GRID2: variants seen among roughly 807,000 people sequenced by gnomAD.
GRID2 encodes the protein glutamate receptor ionotropic, delta-2.
GRID2 carries 33 observed loss-of-function variants against 114.8 expected under a neutral mutation model. That is an observed-to-expected ratio of 0.29 (90% CI 0.22 to 0.38). The LOEUF (loss-of-function observed/expected upper bound fraction) is 0.38, where lower values mean the gene tolerates loss of function less well. Among genes scored for constraint, GRID2 ranks in the 10% least tolerant of loss-of-function variants. GRID2 has a pLI of 1.00. For synonymous variants in GRID2, 505 were observed against 449.9 expected, an observed-to-expected ratio of 1.12 and a Z score of -1.55; for missense variants, 1,184 against 1,257.7, an observed-to-expected ratio of 0.94 and a Z score of 0.89.
chr4:93,364,216 ATTTG>A (rs1762130853), intron 8 of GRID2, among the ~76,000 whole-genome samples: 1 of 152,056 alleles, frequency 6.6e-6, no homozygotes, highest in Admixed American at 6.6e-5. Context: ...TGCTATTTTT[ATTTG>A]TTTGTAGGTA....
At chr4:93,406,543 T>C (rs780596649) in intron 9 of GRID2, among the ~76,000 whole-genome samples, 15 of 152,104 alleles carry the variant, frequency 9.9e-5, no homozygotes, top group Non-Finnish European at 1.9e-4. Flanking sequence ...ATTCTACAAG[T>C]GTGGGCAAAG....
chr4:92,756,839 T>G (rs1177009141), intron 2 of GRID2, among the ~76,000 whole-genome samples: 1 of 152,126 alleles, frequency 6.6e-6, no homozygotes, highest in African/African-American at 2.4e-5. Flanking sequence ...TTAAGTTCTT[T>G]GTATATTCTG....
At chr4:93,410,316 T>G (rs1200805358) in intron 9 of GRID2, among the ~76,000 whole-genome samples, 2 of 152,180 alleles carry the variant, frequency 1.3e-5, no homozygotes, top group Non-Finnish European at 2.9e-5. Flanking sequence ...TTTTCTCGTG[T>G]AAGTGTCTCA....
At chr4:93,038,047 G>A (rs1330107028) in intron 2 of GRID2, among the ~76,000 whole-genome samples, 2 of 152,128 alleles carry the variant, frequency 1.3e-5, no homozygotes, top group African/African-American at 2.4e-5. Flanking sequence ...ATTATTTTGG[G>A]CAGTATGGCC....
chr4:92,626,385 C>T (rs1450107697), intron 2 of GRID2, among the ~76,000 whole-genome samples: 1 of 151,882 alleles, frequency 6.6e-6, no homozygotes, highest in Non-Finnish European at 1.5e-5. Context: ...GGTTTTCTCT[C>T]AGGTTGTGTA....
intron 2 of GRID2, among the ~76,000 whole-genome samples, chr4:92,740,304 G>A (rs1314186925): frequency 6.6e-6 from 1 of 152,206 alleles, no homozygotes; most frequent in Non-Finnish European, 1.5e-5. Context: ...TAATTACACA[G>A]CCATGCCTTT....
At chr4:93,805,337 A>G (rs368588663) in intron 1 of GRID2, among the ~76,000 whole-genome samples, 2 of 152,352 alleles carry the variant, frequency 1.3e-5, no homozygotes, top group East Asian at 3.9e-4. Context: ...AGAGAGGTAG[A>G]TAAAATGCAG....
At chr4:92,792,297 G>A (rs146033441) in intron 2 of GRID2, among the ~76,000 whole-genome samples, 278 of 151,908 alleles carry the variant, frequency 1.8e-3, no homozygotes, top group African/African-American at 6.1e-3. Flanking sequence ...GTGAAGTTCA[G>A]AGTTGTTAGG....
chr4:92,971,905 A>G (rs1454620019), intron 2 of GRID2, among the ~76,000 whole-genome samples: 2 of 152,126 alleles, frequency 1.3e-5, no homozygotes, highest in African/African-American at 2.4e-5. Flanking sequence ...TCTATTGTGT[A>G]TATGTACCAC....
At chr4:92,453,887 G>A (rs145198959) in intron 1 of GRID2, among the ~76,000 whole-genome samples, 133 of 152,178 alleles carry the variant, frequency 8.7e-4, no homozygotes, top group African/African-American at 3.1e-3. Context: ...ACCACTGACT[G>A]TTTCTTTCTT....
intron 8 of GRID2, among the ~76,000 whole-genome samples, chr4:93,346,132 G>A (rs1760213016): frequency 6.6e-6 from 1 of 151,922 alleles, no homozygotes; most frequent in Admixed American, 6.6e-5. Flanking sequence ...GGTATTTTAG[G>A]TCTCCATGCA....
chr4:93,360,605 G>A (rs1331341447), intron 8 of GRID2, among the ~76,000 whole-genome samples: 1 of 151,824 alleles, frequency 6.6e-6, no homozygotes, highest in Non-Finnish European at 1.5e-5. Flanking sequence ...GTCAGATAAT[G>A]TGAACTTTCC....
intron 14 of GRID2, 110 bp downstream of exon 14, chr4:93,626,545 C>T: frequency 1.5e-6 from 1 of 648,796 alleles, no homozygotes; most frequent in Non-Finnish European, 2.7e-6. Context: ...TTAGGAGAAG[C>T]ACAATAAACA....
At chr4:93,555,217 T>A (rs548499335) in intron 13 of GRID2, among the ~76,000 whole-genome samples, 1 of 152,206 alleles carries the variant, frequency 6.6e-6, no homozygotes, top group East Asian at 1.9e-4. Context: ...TCAGGACTTT[T>A]TTTTCATACC....
chr4:93,044,017 A>G (rs1725885172), intron 2 of GRID2, among the ~76,000 whole-genome samples: 1 of 152,026 alleles, frequency 6.6e-6, no homozygotes. Flanking sequence ...TAATGAAGAA[A>G]GTGATAGTAC....
At chr4:92,837,328 C>T (rs1329818867) in intron 2 of GRID2, among the ~76,000 whole-genome samples, 1 of 151,906 alleles carries the variant, frequency 6.6e-6, no homozygotes, top group African/African-American at 2.4e-5. Flanking sequence ...AGCTTTAAGA[C>T]CAGAAGGGTC....
intron 1 of GRID2, among the ~76,000 whole-genome samples, chr4:92,419,426 C>T (rs1731780946): frequency 6.6e-6 from 1 of 152,070 alleles, no homozygotes; most frequent in South Asian, 2.1e-4. Context: ...AGCATCTAAT[C>T]ACAACTGAGT....
chr4:92,622,191 CATA>C (rs1349283754), intron 2 of GRID2, among the ~76,000 whole-genome samples: 4 of 151,662 alleles, frequency 2.6e-5, no homozygotes, highest in African/African-American at 9.7e-5. Flanking sequence ...CCTGAGATTT[CATA>C]GCAAGAATCT....
intron 14 of GRID2, among the ~76,000 whole-genome samples, chr4:93,747,899 G>A (rs1041711331): frequency 1.6e-4 from 24 of 151,712 alleles, no homozygotes; most frequent in Admixed American, 3.3e-4. Flanking sequence ...CATCTTATTC[G>A]TTCTCACATC....
Sources: gnomAD v4.1 joint callset for allele counts (sites outside exome capture counted in the v4.1 genomes callset) on GRCh38, gnomAD v4.1.1 for gene constraint, MANE v1.5 for transcripts, NCBI Gene and HGNC (gene_info 2026-07-23, HGNC 2026-07-21) for gene names.